Variants in SLC25A46 observed in about 807,000 individuals in gnomAD.
SLC25A46 encodes solute carrier family 25 member 46.
SLC25A46 carries 39 observed loss-of-function variants against 44.6 expected under a neutral mutation model. The ratio of observed to expected loss-of-function variants is 0.87; its 90% CI spans 0.68 to 1.14. The LOEUF (loss-of-function observed/expected upper bound fraction) is 1.14, where lower values mean the gene tolerates loss of function less well. SLC25A46 is among the 50% of genes most tolerant of loss of function. SLC25A46 has a pLI of 0.00. For synonymous variants in SLC25A46, 202 were observed against 185.8 expected, an observed-to-expected ratio of 1.09 and a Z score of -0.71; for missense variants, 547 against 522.7, an observed-to-expected ratio of 1.05 and a Z score of -0.45.
Position 110,762,950 on chromosome 5 carries a change from A to G in SLC25A46, c.*1168A>G, listed in dbSNP as rs1400631771. The G allele has an allele frequency of 6.6e-6, 1 of 151,940 alleles. No homozygotes were observed. The highest frequency in any genetic ancestry group is 1.5e-5 in the Non-Finnish European group (1 of 67,894). The allele number at this position is 151,940 out of a possible 1,614,324, so 9.4% of individuals were successfully genotyped here. A position where few individuals can be genotyped will look rare whatever the true frequency, so the allele number is the denominator to read the frequency against. On this transcript the variant is annotated 3_prime_UTR_variant, in exon 8 of 8. Transcript: ENST00000355943. ...AAACTTCTTTAGATGAATACTGAAG[A>G]AAAATCCAAACCTTAAAGGAAATGT... is the stretch of plus-strand genomic sequence containing the variant.
intron 1 of SLC25A46, 120 bp downstream of exon 1, chr5:110,739,522 G>T: frequency 8.8e-6 from 12 of 1,363,022 alleles, no homozygotes; most frequent in Non-Finnish European, 1.2e-5. Flanking sequence ...CCTATCGCGC[G>T]CCACACCCTT....
chr5:110,744,569 G>A (rs1799770532), intron 3 of SLC25A46, among the ~76,000 whole-genome samples: 1 of 152,102 alleles, frequency 6.6e-6, no homozygotes, highest in East Asian at 1.9e-4. Context: ...AAATACTACT[G>A]ATCTCACTAG....
chr5:110,758,873 C>CAATACTTA (rs1306684417), intron 7 of SLC25A46, among the ~76,000 whole-genome samples: 1 of 152,110 alleles, frequency 6.6e-6, no homozygotes, highest in Admixed American at 6.5e-5. Flanking sequence ...TTTCAAGTTG[C>CAATACTTA]AATACTTATA....
chr5:110,740,545 A>G (rs1799639952), intron 1 of SLC25A46, among the ~76,000 whole-genome samples: 1 of 152,164 alleles, frequency 6.6e-6, no homozygotes, highest in Admixed American at 6.5e-5. Context: ...TAATTTTGCA[A>G]CAAAGATAGA....
At position 110,761,828 on chromosome 5, in the gene SLC25A46, A is replaced by T. The variant is rs764328972; in HGVS notation, c.*46A>T. On this transcript the variant is annotated 3_prime_UTR_variant, in exon 8 of 8. Coordinates refer to ENST00000355943, the MANE Select transcript of SLC25A46 (RefSeq NM_138773.4). The surrounding 1 kb of genome is among the most constrained non-coding windows in gnomAD (Gnocchi z 5.3). ...GTAGTCTGGAAGATATAATCTGGAT[A>T]ATTTGCTATGAAGTTATGAGGGATA... 30 of 1,469,972 alleles carry T rather than the reference A, an allele frequency of 2.0e-5. No homozygotes were observed. The highest frequency in any genetic ancestry group is 4.2e-5 in the African/African-American group (3 of 71,378). The allele number at this position is 1,469,972 out of a possible 1,614,324, so 91.1% of individuals were successfully genotyped here.
chr5:110,739,298 A>G lies in SLC25A46; in HGVS notation c.179A>G (p.Lys60Arg), dbSNP rs759961883. ...AGCCGCAACCTGCACTGGGGCGAGA[A>G]GAGCCCGCCCTACGGCGTGCCCACC... ...PGSRNLHWGEKSPPYGVPTTS... is the reference protein window; with the variant it reads ...PGSRNLHWGERSPPYGVPTTS... The change falls in exon 1 of 8, where the codon AAG becomes AGG. Residue 60 changes from lysine (K) to arginine (R), a missense_variant. Transcript: ENST00000355943. 1.9e-6 allele frequency: 3 copies of G among 1,573,442 alleles called. No individual in the cohort carries two copies. In the East Asian group the frequency reaches 7.0e-5, roughly 37 times the overall value.
intron 5 of SLC25A46, among the ~76,000 whole-genome samples, chr5:110,752,161 G>A (rs1263543946): frequency 6.6e-6 from 1 of 151,962 alleles, no homozygotes; most frequent in Non-Finnish European, 1.5e-5. Flanking sequence ...AATATTTAGG[G>A]GTTTTTAAAT....
At chr5:110,759,855 C>T (rs1800205387) in intron 7 of SLC25A46, among the ~76,000 whole-genome samples, 1 of 152,008 alleles carries the variant, frequency 6.6e-6, no homozygotes, top group African/African-American at 2.4e-5. Flanking sequence ...GCTAGGCAAG[C>T]TCACTGTCAT....
chr5:110,752,908 A>G (rs935722057), intron 5 of SLC25A46, among the ~76,000 whole-genome samples: 17 of 152,218 alleles, frequency 1.1e-4, no homozygotes, highest in African/African-American at 4.1e-4. Flanking sequence ...AGAAGAATAG[A>G]GTCTGAACCT....
At chr5:110,746,029 AG>A (rs1416425698) in intron 3 of SLC25A46, 2 of 320,230 alleles carry the variant, frequency 6.2e-6, no homozygotes, top group Non-Finnish European at 1.1e-5. Flanking sequence ...TTTATTATAT[AG>A]TCTACAGTAC....
intron 1 of SLC25A46, among the ~76,000 whole-genome samples, chr5:110,740,599 C>T (rs1295199110): frequency 1.3e-5 from 2 of 152,170 alleles, no homozygotes; most frequent in Admixed American, 6.5e-5. Flanking sequence ...ACCTTCCTAA[C>T]ACCTTCCAGA....
At chr5:110,738,880 A>T (rs1401503947), upstream of SLC25A46, 2 of 992,010 alleles carry the variant, frequency 2.0e-6, no homozygotes, top group Non-Finnish European at 2.8e-6. Context: ...CCCTAACGAC[A>T]ACAAACTTTT....
At chr5:110,739,536 C>A (rs1469585515) in intron 1 of SLC25A46, 134 bp downstream of exon 1, 2 of 1,252,990 alleles carry the variant, frequency 1.6e-6, no homozygotes, top group Non-Finnish European at 2.1e-6. Flanking sequence ...CACCCTTTGC[C>A]CTCCTTTGGT....
At chr5:110,750,346 A>G (rs536909844) in intron 5 of SLC25A46, among the ~76,000 whole-genome samples, 3 of 152,094 alleles carry the variant, frequency 2.0e-5, no homozygotes, top group Non-Finnish European at 4.4e-5. Context: ...TAGTACTTAT[A>G]GTCAAATATT....
rs1277052796 is a variant in SLC25A46 at position 110,763,120 on chromosome 5, A to G, written c.*1338A>G. 3.3e-5 allele frequency: 5 copies of G among 152,052 alleles called. No individual in the cohort carries two copies. The highest frequency in any genetic ancestry group is 7.2e-5 in the African/African-American group (3 of 41,530). The allele number at this position is 152,052 out of a possible 1,614,324, so 9.4% of individuals were successfully genotyped here. A position where few individuals can be genotyped will look rare whatever the true frequency, so the allele number is the denominator to read the frequency against. On this transcript the variant is annotated 3_prime_UTR_variant, in exon 8 of 8. Transcript: ENST00000355943. ...TGGGTTAAGCACTTTGTGTAGTAAA[A>G]TGATATGTGTCTGCTCTATCATTAG...
intron 4 of SLC25A46, among the ~76,000 whole-genome samples, 181 bp downstream of exon 4, chr5:110,746,527 CAATTT>C (rs1425454402): frequency 2.0e-5 from 3 of 152,118 alleles, no homozygotes; most frequent in African/African-American, 7.2e-5. Context: ...AGCAAAAGTA[CAATTT>C]AATTTAGCAA....
At chr5:110,745,596 G>A (rs1457728265) in intron 3 of SLC25A46, 1 of 152,058 alleles carries the variant, frequency 6.6e-6, no homozygotes, top group Non-Finnish European at 1.5e-5. Context: ...TCCTGTATTT[G>A]TTAGCTGTTA....
In SLC25A46 at chr5:110,762,182, CA is replaced by C; in HGVS notation, c.*401del. 1 of 179,274 alleles carries C rather than the reference CA, an allele frequency of 5.6e-6. No individual in the cohort carries two copies. Among genetic ancestry groups the C allele is most frequent in the Non-Finnish European group, 1.2e-5 (1 of 83,972 alleles). The allele number at this position is 179,274 out of a possible 1,614,324, so 11.1% of individuals were successfully genotyped here. On this transcript the variant is annotated 3_prime_UTR_variant, in exon 8 of 8. Coordinates refer to ENST00000355943, the MANE Select transcript of SLC25A46 (RefSeq NM_138773.4). ...TGATGTTGGTATAGTATCCTTAATACAGTGTAGTATATTAATGTCCTTAATA... is the reference window on the plus strand; with the variant it reads ...TGATGTTGGTATAGTATCCTTAATACGTGTAGTATATTAATGTCCTTAATA...
At chr5:110,742,166 GATT>G in intron 2 of SLC25A46, 77 bp downstream of exon 2, 1 of 970,438 alleles carries the variant, frequency 1.0e-6, no homozygotes, top group Non-Finnish European at 1.5e-6. Flanking sequence ...AATATTAAAT[GATT>G]ATTATTGCTT....
Sources: allele counts gnomAD v4.1 joint callset (sites outside exome capture counted in the v4.1 genomes callset), GRCh38; gene constraint gnomAD v4.1.1; non-coding constraint Gnocchi (gnomAD v3.1); transcripts MANE v1.5; gene names NCBI Gene and HGNC (gene_info 2026-07-23, HGNC 2026-07-21).